Variants in GOLGB1 observed in about 807,000 individuals in gnomAD.
GOLGB1 encodes golgin B1, also known as golgin subfamily B member 1.
In GOLGB1, 174 loss-of-function variants were observed where a neutral mutation model predicts 336.9. That is an observed-to-expected ratio of 0.52 (90% CI 0.46 to 0.59). The LOEUF is 0.59. Among genes scored for constraint, GOLGB1 ranks in the 20% least tolerant of loss-of-function variants. The probability of loss-of-function intolerance (pLI) is 0.00; values close to 1 mark genes in which losing one functional copy is unlikely to be tolerated. For synonymous variants in GOLGB1, 1,208 were observed against 1,289.2 expected (o/e 0.94, Z 1.35); for missense variants, 3,331 against 3,645.3 (o/e 0.91, Z 2.22).
chr3:121,689,936 C>T (rs1021317567), intron 14 of GOLGB1, among the ~76,000 whole-genome samples: 5 of 152,176 alleles, frequency 3.3e-5, no homozygotes, highest in Admixed American at 2.0e-4. Context: ...TCCTGACAAC[C>T]TGGCTTGGCT....
At chr3:121,726,759 T>C (rs945145066) in intron 5 of GOLGB1, among the ~76,000 whole-genome samples, 154 bp downstream of exon 5, 5 of 152,018 alleles carry the variant, frequency 3.3e-5, no homozygotes, top group African/African-American at 9.7e-5. Flanking sequence ...TCTAATAAAA[T>C]TACCAGACAA....
chr3:121,677,048 T>C lies in GOLGB1; in HGVS notation c.9040-18A>G, dbSNP rs368231455. The C allele has an allele frequency of 3.1e-6, 5 of 1,613,654 alleles. No homozygotes were observed. Among genetic ancestry groups the C allele is most frequent in the Admixed American group, 1.7e-5 (1 of 59,988 alleles). On this transcript the variant is annotated intron_variant, in intron 16 of 21. Transcript: ENST00000614479. ...GGGGATGCCTGCCAGGACACAAACATTGATCAGATTCTCTCCTAAGATTGC... is the reference window on the plus strand; with the variant it reads ...GGGGATGCCTGCCAGGACACAAACACTGATCAGATTCTCTCCTAAGATTGC...
Position 121,696,481 on chromosome 3 carries a change from G to A in GOLGB1, c.4042C>T (p.Gln1348Ter). The A allele has an allele frequency of 6.2e-7, 1 of 1,613,914 alleles. No individual in the cohort carries two copies. Among genetic ancestry groups the A allele is most frequent in the East Asian group, 2.2e-5 (1 of 44,874 alleles). ...AAACCCTGTTTATTTATCTGCTCTT[G>A]TAACTGAAATACCTCTTCTGATTTT... is the stretch of plus-strand genomic sequence containing the variant. ...TKKSEEVFQLQEQINKQGLEI... is the reference protein window; with the variant it reads ...TKKSEEVFQL Residue 1348 changes from glutamine to a stop codon, truncating the protein, a stop_gained, in exon 13 of 22, where the codon CAA (glutamine) becomes TAA (stop). Coordinates refer to ENST00000614479, the MANE Select transcript of GOLGB1 (RefSeq NM_001366282.2). LOFTEE classifies it high-confidence loss of function.
At chr3:121,669,148 T>C in intron 18 of GOLGB1, 64 bp downstream of exon 18, 1 of 1,534,496 alleles carries the variant, frequency 6.5e-7, no homozygotes, top group Non-Finnish European at 9.0e-7. Flanking sequence ...TGCTCTGTAG[T>C]GCTTCACCAC....
chr3:121,669,057 G>C, intron 18 of GOLGB1, 155 bp downstream of exon 18: 1 of 656,422 alleles, frequency 1.5e-6, no homozygotes, highest in Non-Finnish European at 2.5e-6. Flanking sequence ...ATTTTTCTCA[G>C]ACCTTATTCC....
At position 121,695,052 on chromosome 3, in the gene GOLGB1, T is replaced by G. The variant is rs780000796; in HGVS notation, c.5471A>C (p.Lys1824Thr). The G allele has an allele frequency of 4.3e-6, 7 of 1,614,200 alleles. No individual in the cohort carries two copies. Among genetic ancestry groups the G allele is most frequent in the Non-Finnish European group, 5.9e-6 (7 of 1,180,040 alleles). ...CTTACTTACAGCAGGGTTGGCACTCTTCGCTGATGGAACCGATTCTGAACA... is the reference window on the plus strand; with the variant it reads ...CTTACTTACAGCAGGGTTGGCACTCGTCGCTGATGGAACCGATTCTGAACA... ...PTCSESVPSA[K>T]SANPAVSKDF... The change falls in exon 13 of 22, where the codon AAG becomes ACG. Residue 1824 changes from lysine (K) to threonine (T), a missense_variant. Transcript: ENST00000614479.
rs368702905 is a variant in GOLGB1, at chr3:121,716,689, C to A, written c.1288+48G>T. On this transcript the variant is annotated intron_variant, in intron 9 of 21. Coordinates refer to ENST00000614479, the MANE Select transcript of GOLGB1 (RefSeq NM_001366282.2). ...GATCCCTGAAAATATGAAATACAAGCCACTCAGATGGTAGAGATGTGGACT... is the reference window on the plus strand; with the variant it reads ...GATCCCTGAAAATATGAAATACAAGACACTCAGATGGTAGAGATGTGGACT... 1.3e-5 allele frequency: 19 copies of A among 1,417,102 alleles called. No individual in the cohort carries two copies. The African/African-American group carries it at 2.7e-4, about 20-fold the overall frequency. The allele number at this position is 1,417,102 out of a possible 1,614,324, so 87.8% of individuals were successfully genotyped here. A position where few individuals can be genotyped will look rare whatever the true frequency, so the allele number is the denominator to read the frequency against.
In GOLGB1 at chr3:121,664,482, A is replaced by G. The variant is rs1938305176; in HGVS notation, c.9793T>C (p.Ter3265GlnextTer2). 5 of 1,613,674 alleles carry G rather than the reference A, an allele frequency of 3.1e-6. No individual in the cohort carries two copies. The highest frequency in any genetic ancestry group is 3.4e-6 in the Non-Finnish European group (4 of 1,179,582). ...LLILCFTGHL[*>Q] ...GGTCCAAAGAGTAACAACTAAGTCT[A>G]TAGATGGCCCGTAAAACACAGAATG... The change falls in exon 22 of 22, where the codon TAG (stop) becomes CAG (glutamine). Residue 3265 changes from the stop codon to glutamine, a stop_lost. Transcript: ENST00000614479.
intron 14 of GOLGB1, among the ~76,000 whole-genome samples, chr3:121,684,506 A>T (rs1941512696): frequency 1.3e-5 from 2 of 152,218 alleles, no homozygotes; most frequent in South Asian, 4.1e-4. Flanking sequence ...CTATCAAAAA[A>T]TTTCAGAATA....
At chr3:121,708,596 G>A (rs1944085749) in intron 10 of GOLGB1, among the ~76,000 whole-genome samples, 1 of 152,142 alleles carries the variant, frequency 6.6e-6, no homozygotes, top group Non-Finnish European at 1.5e-5. Flanking sequence ...TCATGTGACT[G>A]CACTCCAGCC....
chr3:121,695,810 G>A lies in GOLGB1; in HGVS notation c.4713C>T (p.Ser1571=). The A allele has an allele frequency of 6.2e-7, 1 of 1,613,832 alleles. No homozygotes were observed. The highest frequency in any genetic ancestry group is 1.1e-5 in the South Asian group (1 of 91,084). ...DRSLLENQSL[S]SSCESLKLAL... Reference sequence around the variant, plus strand: ...CTAGTTTTAGACTTTCACAGGAGCTGCTGAGACTCTGATTTTCCAATAAAG... The same window carrying A: ...CTAGTTTTAGACTTTCACAGGAGCTACTGAGACTCTGATTTTCCAATAAAG... Residue 1571 remains serine, a synonymous_variant, in exon 13 of 22, where the codon AGC becomes AGT. Coordinates refer to ENST00000614479, the MANE Select transcript of GOLGB1 (RefSeq NM_001366282.2).
chr3:121,667,355 T>C, intron 20 of GOLGB1, 121 bp downstream of exon 20: 1 of 1,018,250 alleles, frequency 9.8e-7, no homozygotes. Context: ...GTAAACTCAT[T>C]GCAGCAACTA....
In GOLGB1 at chr3:121,724,613, G is replaced by A. The variant is rs1945431896; in HGVS notation, c.532-2235C>T. 1.3e-5 allele frequency among the ~76,000 whole-genome samples: 2 copies of A among 151,772 alleles called. 1 individual carries two copies. The highest frequency in any genetic ancestry group is 4.2e-4 in the South Asian group (2 of 4,818). On this transcript the variant is annotated intron_variant, in intron 5 of 21. Transcript: ENST00000614479. ...GCAACCTGGCCATGTGGTAAAGAAT[G>A]GAGAAGATTTCAGGATGGGAATCCA...
At position 121,695,785 on chromosome 3, in the gene GOLGB1, C is replaced by T; in HGVS notation, c.4738G>A (p.Ala1580Thr). The T allele has an allele frequency of 6.2e-7, 1 of 1,613,434 alleles. No homozygotes were observed. The highest frequency in any genetic ancestry group is 8.5e-7 in the Non-Finnish European group (1 of 1,179,974). ...TTGTCTTCAGTAAGACCCTCTAGAG[C>T]TAGTTTTAGACTTTCACAGGAGCTG... ...LSSSCESLKL[A>T]LEGLTEDKEK... Residue 1580 changes from alanine to threonine, a missense_variant, in exon 13 of 22, where the codon GCT becomes ACT. By Grantham distance (58) the Ala-to-Thr change is moderately conservative. Transcript: ENST00000614479.
Position 121,714,940 on chromosome 3 carries a change from A to C in GOLGB1, c.1325T>G (p.Phe442Cys). ...LQQKSKEISQFLNRLPLQQHE... is the reference protein window; with the variant it reads ...LQQKSKEISQCLNRLPLQQHE... ...TTGTTGCAAGGGCAGTCTATTTAGAAATTGGCTAATTTCTTTGGATTTTTG... is the reference window on the plus strand; with the variant it reads ...TTGTTGCAAGGGCAGTCTATTTAGACATTGGCTAATTTCTTTGGATTTTTG... Residue 442 changes from phenylalanine (F) to cysteine (C), a missense_variant, in exon 10 of 22, where the codon TTT becomes TGT. Physicochemically the swap from Phe to Cys is radical, Grantham distance 205 (BLOSUM62 -2). Transcript: ENST00000614479. 3.1e-6 allele frequency: 5 copies of C among 1,612,518 alleles called. No homozygotes were observed. The highest frequency in any genetic ancestry group is 4.2e-6 in the Non-Finnish European group (5 of 1,178,692).
At chr3:121,705,078 C>T (rs900568017) in intron 10 of GOLGB1, among the ~76,000 whole-genome samples, 4 of 151,878 alleles carry the variant, frequency 2.6e-5, no homozygotes, top group Non-Finnish European at 4.4e-5. Flanking sequence ...TATATATAAC[C>T]ATTTTAAGCA....
At position 121,709,992 on chromosome 3, in the gene GOLGB1, A is replaced by G. The variant is rs1434331918; in HGVS notation, c.1404+4869T>C. Among the ~76,000 whole-genome samples the G allele has an allele frequency of 2.6e-5, 4 of 151,798 alleles. No individual in the cohort carries two copies. The East Asian group carries it at 7.7e-4, about 29-fold the overall frequency. On this transcript the variant is annotated intron_variant, in intron 10 of 21. Transcript: ENST00000614479. ...GGCATTAAAAGGATAAAAAGTAAAC[A>G]TTGTAACCAACATTATGACAAAAAT... is the stretch of plus-strand genomic sequence containing the variant.
chr3:121,718,188 A>G (rs193020701), intron 8 of GOLGB1, among the ~76,000 whole-genome samples, 200 bp downstream of exon 8: 1 of 152,234 alleles, frequency 6.6e-6, no homozygotes, highest in Non-Finnish European at 1.5e-5. Flanking sequence ...TGTATGCTCC[A>G]TGAGGGAAAG....
At chr3:121,712,247 ATAT>A (rs1944415231) in intron 10 of GOLGB1, among the ~76,000 whole-genome samples, 1 of 152,208 alleles carries the variant, frequency 6.6e-6, no homozygotes, top group East Asian at 1.9e-4. Context: ...AAACAACGAA[ATAT>A]CCGTACAGGA....
Sources: gnomAD v4.1 joint callset for allele counts (sites outside exome capture counted in the v4.1 genomes callset) on GRCh38, gnomAD v4.1.1 for gene constraint, MANE v1.5 for transcripts, NCBI Gene and HGNC (gene_info 2026-07-23, HGNC 2026-07-21) for gene names.